Variants in CPNE4 observed in about 807,000 individuals in gnomAD.
CPNE4 encodes the protein copine 4.
A neutral mutation model predicts 67.9 loss-of-function variants in CPNE4; 25 were observed. The observed-to-expected ratio is 0.37, with a 90% confidence interval of 0.27 to 0.51. The LOEUF is 0.51. Ranked by LOEUF, CPNE4 falls within the 20% of genes least tolerant of loss-of-function variation. The probability of loss-of-function intolerance (pLI) is 0.93; values close to 1 mark genes in which losing one functional copy is unlikely to be tolerated. For missense variants in CPNE4, 464 were observed against 690.8 expected, an observed-to-expected ratio of 0.67 and a Z score of 3.68; for synonymous variants, 242 against 244.9, an observed-to-expected ratio of 0.99 and a Z score of 0.11.
intron 7 of CPNE4, among the ~76,000 whole-genome samples, chr3:131,656,870 A>T (rs1481545371): frequency 1.3e-5 from 2 of 152,214 alleles, no homozygotes; most frequent in African/African-American, 4.8e-5. Context: ...AGAACATGCC[A>T]GCTATTCAGA....
chr3:131,565,544 A>G (rs1001520594), intron 10 of CPNE4, among the ~76,000 whole-genome samples: 4 of 151,976 alleles, frequency 2.6e-5, no homozygotes, highest in Non-Finnish European at 2.9e-5. Context: ...GTTGATGGGG[A>G]AAAAAATGTT....
rs777570562 is a variant in CPNE4 at position 131,565,206 on chromosome 3, C to CA, written c.928-858dup. Among the ~76,000 whole-genome samples the CA allele has an allele frequency of 7.9e-5, 12 of 151,932 alleles. No individual in the cohort carries two copies. In the East Asian group the frequency reaches 1.2e-3, roughly 15 times the overall value. ...ACCATCTAAATAAAAGTTAACCCAG[C>CA]AAAAATCTCTTTAAAAATGCCACTT... On this transcript the variant is annotated intron_variant, in intron 10 of 15. Transcript: ENST00000429747.
intron 2 of CPNE4, among the ~76,000 whole-genome samples, chr3:131,831,340 G>A (rs1281310982): frequency 6.6e-6 from 1 of 152,038 alleles, no homozygotes; most frequent in Non-Finnish European, 1.5e-5. Flanking sequence ...CCACACATCA[G>A]TCTTTCAAAT....
In CPNE4 at chr3:131,698,566, C is replaced by A. The variant is rs1033090342; in HGVS notation, c.432+1343G>T. Among the ~76,000 whole-genome samples, 14 of 150,798 alleles carry A rather than the reference C, an allele frequency of 9.3e-5. 1 individual carries two copies. Among genetic ancestry groups the A allele is most frequent in the South Asian group, 2.1e-4 (1 of 4,786 alleles). ...CTCAGGTAAGTTCTTGTGAGAATGG[C>A]CACAACTTTCACTGACAGCTCTTTT... On this transcript the variant is annotated intron_variant, in intron 4 of 15. Transcript: ENST00000429747.
At chr3:132,006,655 A>ATTTTTTTTTTTTTTTTTT (rs113475309) in intron 1 of CPNE4, among the ~76,000 whole-genome samples, 1 of 149,592 alleles carries the variant, frequency 6.7e-6, no homozygotes, top group Non-Finnish European at 1.5e-5. Flanking sequence ...CTTTCTTTCC[A>ATTTTTTTTTTTTTTTTTT]TTTTTTTTTG....
At chr3:131,804,062 T>C (rs1319889375) in intron 2 of CPNE4, among the ~76,000 whole-genome samples, 3 of 152,202 alleles carry the variant, frequency 2.0e-5, no homozygotes, top group Non-Finnish European at 2.9e-5. Context: ...CCCTCTCTAA[T>C]ACACACAAAT....
At chr3:131,961,743 T>A (rs962431135) in intron 1 of CPNE4, among the ~76,000 whole-genome samples, 1 of 152,122 alleles carries the variant, frequency 6.6e-6, no homozygotes, top group Non-Finnish European at 1.5e-5. Flanking sequence ...CACATTACAA[T>A]CCTCAAAAAA....
At chr3:132,011,672 C>A (rs1215607688) in intron 1 of CPNE4, among the ~76,000 whole-genome samples, 1 of 152,206 alleles carries the variant, frequency 6.6e-6, no homozygotes, top group East Asian at 1.9e-4. Context: ...AATAGGGCCT[C>A]ATTTCAAAGC....
intron 2 of CPNE4, among the ~76,000 whole-genome samples, chr3:131,805,732 A>G (rs2084284579): frequency 6.6e-6 from 1 of 152,184 alleles, no homozygotes; most frequent in Admixed American, 6.5e-5. Flanking sequence ...ACCAAAAGCA[A>G]GTGTTCTAAG....
chr3:131,562,597 C>A (rs1036257508), intron 11 of CPNE4, among the ~76,000 whole-genome samples: 13 of 151,912 alleles, frequency 8.6e-5, no homozygotes, highest in African/African-American at 3.1e-4. Context: ...TACTAGATTA[C>A]TAATGTGTGT....
chr3:131,875,982 C>T (rs1450972643), intron 2 of CPNE4, among the ~76,000 whole-genome samples: 1 of 152,106 alleles, frequency 6.6e-6, no homozygotes, highest in Non-Finnish European at 1.5e-5. Context: ...ATTGTAAATA[C>T]TCAGTGCAGT....
intron 7 of CPNE4, among the ~76,000 whole-genome samples, chr3:131,667,164 T>C (rs145771007): frequency 4.7e-4 from 72 of 152,198 alleles, no homozygotes; most frequent in African/African-American, 1.6e-3. Context: ...ACACAACAGA[T>C]TTTCATGGAC....
chr3:132,038,787 C>A (rs1428314339), upstream of CPNE4, among the ~76,000 whole-genome samples: 1 of 152,122 alleles, frequency 6.6e-6, no homozygotes, highest in Non-Finnish European at 1.5e-5. Flanking sequence ...AAGCAAATAT[C>A]CCTTGGTTGC....
chr3:131,853,538 G>T (rs765548681), intron 2 of CPNE4, among the ~76,000 whole-genome samples: 6 of 151,662 alleles, frequency 4.0e-5, no homozygotes, highest in African/African-American at 1.5e-4. Flanking sequence ...GATACAACAT[G>T]CAATAAACAT....
At chr3:131,816,704 C>G (rs1371106231) in intron 2 of CPNE4, among the ~76,000 whole-genome samples, 1 of 152,146 alleles carries the variant, frequency 6.6e-6, no homozygotes, top group African/African-American at 2.4e-5. Flanking sequence ...TCTAGTCACT[C>G]AAAGCCAGAG....
chr3:131,960,390 C>T (rs2072131318), intron 1 of CPNE4, among the ~76,000 whole-genome samples: 1 of 152,022 alleles, frequency 6.6e-6, no homozygotes. Context: ...GATGGTAAAA[C>T]TGTCCCTATA....
chr3:131,710,320 G>T (rs951187759), intron 3 of CPNE4, among the ~76,000 whole-genome samples: 1 of 152,178 alleles, frequency 6.6e-6, no homozygotes, highest in Non-Finnish European at 1.5e-5. Context: ...TTTGGTCCAA[G>T]AGTATTTTGG....
chr3:132,029,713 G>A (rs944506243), intron 1 of CPNE4, among the ~76,000 whole-genome samples: 5 of 152,260 alleles, frequency 3.3e-5, no homozygotes, highest in Non-Finnish European at 7.3e-5. Context: ...CATTTCCAAG[G>A]AGAAATTTCT....
intron 2 of CPNE4, among the ~76,000 whole-genome samples, chr3:131,808,617 T>G (rs1347766020): frequency 6.6e-6 from 1 of 152,156 alleles, no homozygotes; most frequent in Non-Finnish European, 1.5e-5. Flanking sequence ...TTTCAAAAAA[T>G]AAGCTCATTA....
Sources: gnomAD v4.1 joint callset for allele counts (sites outside exome capture counted in the v4.1 genomes callset) on GRCh38, gnomAD v4.1.1 for gene constraint, MANE v1.5 for transcripts, NCBI Gene and HGNC (gene_info 2026-07-23, HGNC 2026-07-21) for gene names.